BORCS7: variants seen among roughly 807,000 people sequenced by gnomAD.
BORCS7 encodes BLOC-1-related complex subunit 7.
BORCS7 carries 20 observed loss-of-function variants against 17.5 expected under a neutral mutation model. The observed-to-expected ratio is 1.14, with a 90% CI of 0.80 to 1.66. The LOEUF (loss-of-function observed/expected upper bound fraction) is 1.66. Among genes scored for constraint, BORCS7 ranks in the 40% most tolerant of loss-of-function variants. BORCS7 has a pLI of 0.00. For synonymous variants in BORCS7, 57 were observed against 49.8 expected, an observed-to-expected ratio of 1.14 and a Z score of -0.61; for missense variants, 122 against 129.7, an observed-to-expected ratio of 0.94 and a Z score of 0.29.
intron 3 of BORCS7, 199 bp downstream of exon 3, chr10:102,860,740 A>G (rs370093108): frequency 1.6e-5 from 10 of 626,394 alleles, no homozygotes; most frequent in African/African-American, 5.5e-5. Flanking sequence ...TCAGGAGCAG[A>G]GTCCACCCTT....
At chr10:102,854,587 T>C in intron 1 of BORCS7, 160 bp downstream of exon 1, 1 of 869,314 alleles carries the variant, frequency 1.2e-6, no homozygotes, top group Non-Finnish European at 1.7e-6. Context: ...TTCTGGGGTG[T>C]GCAGTCTCTT....
At chr10:102,861,082 T>A (rs754002666) in intron 3 of BORCS7, among the ~76,000 whole-genome samples, 3 of 152,222 alleles carry the variant, frequency 2.0e-5, no homozygotes, top group African/African-American at 2.4e-5. Context: ...TTGTTTTATA[T>A]TTTATGTACT....
chr10:102,857,890 C>T (rs76429823), intron 1 of BORCS7, among the ~76,000 whole-genome samples: 2,606 of 152,068 alleles, frequency 0.017, 65 homozygotes, highest in South Asian at 0.12. Context: ...AGGCTGGGCA[C>T]GGTGGCTCAT....
rs140388364 is a variant in BORCS7, at chr10:102,854,403, G to C, written c.117G>C (p.Val39=). Residue 39 remains valine (V), a synonymous_variant, in exon 1 of 5, where the codon GTG becomes GTC. Transcript: ENST00000339834. ...ACGTAATCGCGCTCACCAAGCAGGTGCTGAAAGGCTCCCGGAGCTCCGAGG... is the reference window on the plus strand; with the variant it reads ...ACGTAATCGCGCTCACCAAGCAGGTCCTGAAAGGCTCCCGGAGCTCCGAGG... ...GTDVIALTKQ[V]LKGSRSSELL... is the part of the protein sequence containing the mutation. The C allele has an allele frequency of 5.1e-5, 79 of 1,546,474 alleles. No individual in the cohort carries two copies. In the African/African-American group the frequency reaches 9.1e-4, roughly 18 times the overall value.
intron 1 of BORCS7, among the ~76,000 whole-genome samples, chr10:102,854,946 TAA>T (rs1844401028): frequency 6.8e-6 from 1 of 147,196 alleles, no homozygotes; most frequent in African/African-American, 2.5e-5. Context: ...ATTACATATA[TAA>T]TATACATATA....
chr10:102,856,260 A>G (rs994466759), intron 1 of BORCS7, among the ~76,000 whole-genome samples: 13 of 151,786 alleles, frequency 8.6e-5, no homozygotes, highest in African/African-American at 3.1e-4. Context: ...TCTAAACATC[A>G]TGTGTCTGTG....
In BORCS7 at chr10:102,860,364, C is replaced by T. The variant is rs1240643588; in HGVS notation, c.174C>T (p.Leu58=). Residue 58 remains leucine, a synonymous_variant, in exon 2 of 5, where the codon CTC becomes CTT. Coordinates refer to ENST00000339834, the MANE Select transcript of BORCS7 (RefSeq NM_001136200.2). ...LLGQAARNMV[L]QEDAILHSED... ...GTCAGGCAGCTCGAAACATGGTACT[C>T]CAGGAAGATGCCATCTTGCACTCAG... 5 of 1,613,720 alleles carry T rather than the reference C, an allele frequency of 3.1e-6. No homozygotes were observed. Among genetic ancestry groups the T allele is most frequent in the Non-Finnish European group, 4.2e-6 (5 of 1,179,974 alleles).
intron 1 of BORCS7, 23 bp downstream of exon 1, chr10:102,854,450 C>G: frequency 6.6e-7 from 1 of 1,518,328 alleles, no homozygotes; most frequent in Non-Finnish European, 8.9e-7. Flanking sequence ...TGGACTCTCC[C>G]GGCCTGATAG....
intron 4 of BORCS7, among the ~76,000 whole-genome samples, chr10:102,862,661 C>T (rs1326945122): frequency 1.3e-5 from 2 of 152,126 alleles, no homozygotes; most frequent in African/African-American, 4.8e-5. Context: ...ATAGCTTGTA[C>T]AGGACAGGTG....
At chr10:102,857,617 T>C (rs1175312378) in intron 1 of BORCS7, among the ~76,000 whole-genome samples, 3 of 152,170 alleles carry the variant, frequency 2.0e-5, no homozygotes, top group Non-Finnish European at 4.4e-5. Context: ...GAGATATTTG[T>C]AACAGTAAAA....
In BORCS7 at chr10:102,854,444, C is replaced by T. The variant is rs1844391557; in HGVS notation, c.141+17C>T. ...AGCTCCGAGGTGAGCTGGAAGTGGACTCTCCCGGCCTGATAGTCCGGGGAG... is the reference window on the plus strand; with the variant it reads ...AGCTCCGAGGTGAGCTGGAAGTGGATTCTCCCGGCCTGATAGTCCGGGGAG... On this transcript the variant is annotated intron_variant, in intron 1 of 4. Coordinates refer to ENST00000339834, the MANE Select transcript of BORCS7 (RefSeq NM_001136200.2). 6.6e-7 allele frequency: 1 copy of T among 1,518,118 alleles called. No homozygotes were observed. The highest frequency in any genetic ancestry group is 2.1e-5 in the Admixed American group (1 of 47,570). The allele number at this position is 1,518,118 out of a possible 1,614,324, so 94.0% of individuals were successfully genotyped here. A position where few individuals can be genotyped will look rare whatever the true frequency, so the allele number is the denominator to read the frequency against.
chr10:102,860,640 G>A, intron 3 of BORCS7, 99 bp downstream of exon 3: 1 of 1,343,144 alleles, frequency 7.4e-7, no homozygotes, highest in Non-Finnish European at 1.1e-6. Flanking sequence ...GGAGGCCAGA[G>A]TGGGAGTAAA....
chr10:102,861,728 CAA>C (rs1387770442), intron 3 of BORCS7, among the ~76,000 whole-genome samples: 1 of 149,300 alleles, frequency 6.7e-6, no homozygotes, highest in Non-Finnish European at 1.5e-5. Flanking sequence ...AAAAAAAAAA[CAA>C]AAAAACAAAA....
At chr10:102,854,886 G>A (rs568238571) in intron 1 of BORCS7, among the ~76,000 whole-genome samples, 3 of 146,626 alleles carry the variant, frequency 2.0e-5, no homozygotes, top group East Asian at 2.0e-4. Flanking sequence ...TATATATTAC[G>A]TATTATATAA....
intron 1 of BORCS7, among the ~76,000 whole-genome samples, chr10:102,859,428 C>T (rs1359675034): frequency 1.3e-5 from 2 of 151,546 alleles, no homozygotes; most frequent in Non-Finnish European, 2.9e-5. Context: ...TGTGAGCCAC[C>T]GCACCTGGCC....
rs1298960815 is a variant in BORCS7, at chr10:102,864,835, C to G, written c.*1911C>G. 1 of 151,784 alleles carries G rather than the reference C, an allele frequency of 6.6e-6. No individual in the cohort carries two copies. The highest frequency in any genetic ancestry group is 2.4e-5 in the African/African-American group (1 of 41,282). 9.4% of individuals were successfully genotyped at this position (151,784 alleles called of 1,614,324 possible). On this transcript the variant is annotated 3_prime_UTR_variant, in exon 5 of 5. Coordinates refer to ENST00000339834, the MANE Select transcript of BORCS7 (RefSeq NM_001136200.2). Reference sequence around the variant, plus strand: ...GAAAAAATACTTCACTAAATAACGTCTAAGTTGTAGAGGTTGTGCCGGAAG... The same window carrying G: ...GAAAAAATACTTCACTAAATAACGTGTAAGTTGTAGAGGTTGTGCCGGAAG...
At chr10:102,861,574 G>A (rs565402637) in intron 3 of BORCS7, among the ~76,000 whole-genome samples, 44 of 152,100 alleles carry the variant, frequency 2.9e-4, no homozygotes, top group East Asian at 5.8e-4. Context: ...AAAATTAGCC[G>A]GGTGTGGTGG....
Position 102,854,333 on chromosome 10 carries a change from C to T in BORCS7, c.47C>T (p.Ser16Phe). 1 of 1,599,698 alleles carries T rather than the reference C, an allele frequency of 6.3e-7. No homozygotes were observed. The highest frequency in any genetic ancestry group is 8.5e-7 in the Non-Finnish European group (1 of 1,173,166). ...TPESQARFGQ[S>F]VKGLLTEKVT... Reference sequence around the variant, plus strand: ...GAGTCTCAAGCGCGGTTCGGTCAGTCCGTGAAGGGGCTTCTCACGGAGAAG... The same window carrying T: ...GAGTCTCAAGCGCGGTTCGGTCAGTTCGTGAAGGGGCTTCTCACGGAGAAG... Residue 16 changes from serine to phenylalanine, a missense_variant, in exon 1 of 5, where the codon TCC becomes TTC. Coordinates refer to ENST00000339834, the MANE Select transcript of BORCS7 (RefSeq NM_001136200.2).
chr10:102,859,081 T>C (rs1844473317), intron 1 of BORCS7, among the ~76,000 whole-genome samples: 1 of 151,774 alleles, frequency 6.6e-6, no homozygotes, highest in East Asian at 1.9e-4. Flanking sequence ...TCTTTTGGAC[T>C]CAGGACCCAT....
Sources: allele counts gnomAD v4.1 joint callset (sites outside exome capture counted in the v4.1 genomes callset), GRCh38; gene constraint gnomAD v4.1.1; transcripts MANE v1.5; gene names NCBI Gene and HGNC (gene_info 2026-07-23, HGNC 2026-07-21).